The following CCDC93 variants were observed in gnomAD, a reference collection of about 807,000 sequenced individuals.
The protein encoded by CCDC93 is coiled-coil domain-containing protein 93.
Under a neutral mutation model 108.2 loss-of-function variants are expected in CCDC93, and 61 were observed. The ratio of observed to expected loss-of-function variants is 0.56; its 90% confidence interval spans 0.46 to 0.70. CCDC93 has a LOEUF of 0.70. Ranked by LOEUF, CCDC93 falls within the 30% of genes least tolerant of loss-of-function variation. CCDC93 has a pLI of 0.00. For missense variants in CCDC93, 685 were observed against 764.2 expected, an observed-to-expected ratio of 0.90 and a Z score of 1.22; for synonymous variants, 276 against 260.4, an observed-to-expected ratio of 1.06 and a Z score of -0.58.
In CCDC93 at chr2:117,975,174, C is replaced by G. The variant is rs776858867; in HGVS notation, c.750+14G>C. The G allele has an allele frequency of 3.1e-6, 5 of 1,608,708 alleles. No individual in the cohort carries two copies. In the South Asian group the frequency reaches 5.5e-5, roughly 18 times the overall value. On this transcript the variant is annotated intron_variant, in intron 9 of 23. Coordinates refer to ENST00000376300, the MANE Select transcript of CCDC93 (RefSeq NM_019044.5). ...TTACACAGAAACCTCAGAGGGCCTACATGGACCACACACCTCTTCAGCTGC... is the reference window on the plus strand; with the variant it reads ...TTACACAGAAACCTCAGAGGGCCTAGATGGACCACACACCTCTTCAGCTGC...
At chr2:117,925,078 T>C (rs1230991836) in intron 23 of CCDC93, among the ~76,000 whole-genome samples, 4 of 152,034 alleles carry the variant, frequency 2.6e-5, no homozygotes, top group Non-Finnish European at 5.9e-5. Flanking sequence ...TGCTGAGAGA[T>C]TTTGTCACCA....
At chr2:118,007,497 CCTCT>C (rs565720357) in intron 2 of CCDC93, among the ~76,000 whole-genome samples, 110 of 152,252 alleles carry the variant, frequency 7.2e-4, no homozygotes, top group African/African-American at 2.4e-3. Context: ...CAGTGAAACC[CCTCT>C]CTACTAAAGA....
At chr2:117,925,778 T>C (rs1169849127) in intron 23 of CCDC93, among the ~76,000 whole-genome samples, 1 of 152,194 alleles carries the variant, frequency 6.6e-6, no homozygotes, top group African/African-American at 2.4e-5. Context: ...CTAATAGACA[T>C]CTACAGAACT....
chr2:117,981,010 T>C (rs1680101399), intron 7 of CCDC93, among the ~76,000 whole-genome samples: 1 of 152,200 alleles, frequency 6.6e-6, no homozygotes, highest in African/African-American at 2.4e-5. Flanking sequence ...TTCATCCAGG[T>C]TGAAGCATGA....
At chr2:117,983,044 A>G (rs1236414783) in intron 7 of CCDC93, among the ~76,000 whole-genome samples, 1 of 152,188 alleles carries the variant, frequency 6.6e-6, no homozygotes, top group Non-Finnish European at 1.5e-5. Flanking sequence ...TCTCTTATCT[A>G]TATAAAGACT....
At chr2:117,927,038 A>T (rs1230826185) in intron 23 of CCDC93, among the ~76,000 whole-genome samples, 2 of 152,214 alleles carry the variant, frequency 1.3e-5, no homozygotes, top group African/African-American at 4.8e-5. Flanking sequence ...ATCTCAATAG[A>T]TGCAGAAAAG....
At chr2:118,013,230 G>C (rs1473070355) in intron 1 of CCDC93, among the ~76,000 whole-genome samples, 1 of 152,218 alleles carries the variant, frequency 6.6e-6, no homozygotes, top group Non-Finnish European at 1.5e-5. Context: ...CTAGCACTAA[G>C]TGAGTACTTA....
chr2:117,930,535 T>C (rs1678291364), intron 23 of CCDC93: 1 of 152,354 alleles, frequency 6.6e-6, no homozygotes, highest in Non-Finnish European at 1.5e-5. Context: ...CGCAACGGAA[T>C]TCACCAATGA....
chr2:117,972,197 T>C (rs1273404119), intron 11 of CCDC93, among the ~76,000 whole-genome samples: 2 of 152,182 alleles, frequency 1.3e-5, no homozygotes, highest in Non-Finnish European at 2.9e-5. Context: ...CCTGTGTTGA[T>C]CAAGAATCAA....
At chr2:117,946,779 G>C in intron 16 of CCDC93, 32 bp downstream of exon 16, 1 of 1,490,512 alleles carries the variant, frequency 6.7e-7, no homozygotes, top group Non-Finnish European at 9.4e-7. Context: ...AATAGCACCT[G>C]AGAGTCTCAA....
intron 22 of CCDC93, among the ~76,000 whole-genome samples, chr2:117,932,021 G>A (rs569963417): frequency 3.3e-5 from 5 of 152,174 alleles, no homozygotes; most frequent in East Asian, 1.9e-4. Flanking sequence ...AACACTGATC[G>A]GTCCTGTGAG....
Position 118,006,737 on chromosome 2 carries a change from G to T in CCDC93, c.236C>A (p.Thr79Lys). ...DVDLLFQENSTIGQKIALSEK... is the reference protein window; with the variant it reads ...DVDLLFQENSKIGQKIALSEK... ...AAAAACTTACATTTTTTGACCTATC[G>T]TAGAGTTTTCTTGAAAGAGCAAATC... Residue 79 changes from threonine (T) to lysine (K), a missense_variant, in exon 3 of 24, where the codon ACG (threonine) becomes AAG (lysine). Coordinates refer to ENST00000376300, the MANE Select transcript of CCDC93 (RefSeq NM_019044.5). 2 of 1,607,434 alleles carry T rather than the reference G, an allele frequency of 1.2e-6. No homozygotes were observed. The highest frequency in any genetic ancestry group is 1.3e-5 in the African/African-American group (1 of 74,892).
At chr2:118,013,616 G>C (rs1013796993) in intron 1 of CCDC93, among the ~76,000 whole-genome samples, 7 of 152,178 alleles carry the variant, frequency 4.6e-5, no homozygotes, top group Non-Finnish European at 5.9e-5. Context: ...GGCGCGGGGT[G>C]GGGGAGCCCG....
intron 6 of CCDC93, among the ~76,000 whole-genome samples, chr2:117,987,752 A>G (rs1250177588): frequency 6.6e-6 from 1 of 152,250 alleles, no homozygotes; most frequent in Non-Finnish European, 1.5e-5. Context: ...TTAATAAAAA[A>G]TCTACCATGC....
chr2:117,982,682 G>C (rs897406721), intron 7 of CCDC93, among the ~76,000 whole-genome samples: 7 of 151,900 alleles, frequency 4.6e-5, no homozygotes, highest in African/African-American at 1.7e-4. Flanking sequence ...CCTGACAAGA[G>C]GTAAGATAAG....
At chr2:117,975,610 G>A (rs753383614) in intron 8 of CCDC93, among the ~76,000 whole-genome samples, 36 of 152,320 alleles carry the variant, frequency 2.4e-4, no homozygotes, top group Middle Eastern at 3.4e-3. Flanking sequence ...TACTAAAGGA[G>A]TGTTTCTTCA....
intron 3 of CCDC93, 146 bp from the exon 4 acceptor site, chr2:118,001,078 G>A: frequency 1.7e-6 from 1 of 577,642 alleles, no homozygotes; most frequent in Non-Finnish European, 3.1e-6. Flanking sequence ...CTAGATGACT[G>A]CAAAATGAGA....
chr2:117,984,011 C>T (rs1419983586), intron 7 of CCDC93, among the ~76,000 whole-genome samples: 1 of 152,072 alleles, frequency 6.6e-6, no homozygotes, highest in Non-Finnish European at 1.5e-5. Flanking sequence ...AGTTGAAGTG[C>T]CAATCTGAGC....
chr2:117,922,160 C>T (rs1677891671), intron 23 of CCDC93, among the ~76,000 whole-genome samples: 1 of 152,092 alleles, frequency 6.6e-6, no homozygotes, highest in South Asian at 2.1e-4. Flanking sequence ...ACCCACCTCA[C>T]CGTTTAAATG....
Sources: allele counts gnomAD v4.1 joint callset (sites outside exome capture counted in the v4.1 genomes callset), GRCh38; gene constraint gnomAD v4.1.1; transcripts MANE v1.5; gene names NCBI Gene and HGNC (gene_info 2026-07-23, HGNC 2026-07-21).